The following CLVS1 variants were observed in gnomAD, a reference collection of about 807,000 sequenced individuals.
The protein encoded by CLVS1 is clavesin-1.
Under a neutral mutation model 33.1 loss-of-function variants are expected in CLVS1, and 10 were observed. The ratio of observed to expected loss-of-function variants is 0.30; its 90% CI spans 0.19 to 0.51. CLVS1 has a LOEUF of 0.51. CLVS1 is among the 20% of genes least tolerant of loss of function. The pLI is 0.97. For synonymous variants in CLVS1, 163 were observed against 166.1 expected, an observed-to-expected ratio of 0.98 and a Z score of 0.14; for missense variants, 343 against 433.4, an observed-to-expected ratio of 0.79 and a Z score of 1.85.
chr8:61,339,833 AAAGG>A (rs1000300104), intron 2 of CLVS1, among the ~76,000 whole-genome samples: 6 of 150,206 alleles, frequency 4.0e-5, no homozygotes, highest in South Asian at 2.1e-4. Flanking sequence ...AAAGAGCGAG[AAAGG>A]AAGGAAGGAA....
chr8:61,207,740 T>C (rs567715972), intron 2 of CLVS1, among the ~76,000 whole-genome samples: 26 of 152,132 alleles, frequency 1.7e-4, no homozygotes, highest in Non-Finnish European at 3.2e-4. Context: ...TATAATGTAG[T>C]TGGTTGGTAA....
intron 3 of CLVS1, among the ~76,000 whole-genome samples, chr8:61,393,335 C>T (rs1341560590): frequency 2.0e-5 from 3 of 151,858 alleles, no homozygotes; most frequent in East Asian, 1.9e-4. Context: ...CTCTTTAAGT[C>T]GGTTTTCACC....
chr8:61,147,008 C>A (rs1318027904), intron 2 of CLVS1, among the ~76,000 whole-genome samples: 1 of 152,206 alleles, frequency 6.6e-6, no homozygotes, highest in African/African-American at 2.4e-5. Context: ...AGTGAGGTGA[C>A]TCTCCTGGGG....
At chr8:61,323,543 C>T (rs1334599753) in intron 2 of CLVS1, among the ~76,000 whole-genome samples, 1 of 152,168 alleles carries the variant, frequency 6.6e-6, no homozygotes, top group Non-Finnish European at 1.5e-5. Context: ...TCACATTCCA[C>T]CAAAAGTCTC....
At chr8:60,983,270 C>T in the CLVS1 span, among the ~76,000 whole-genome samples, 1 of 152,230 alleles carries the variant, frequency 6.6e-6, no homozygotes, top group Non-Finnish European at 1.5e-5. Flanking sequence ...TTACCAACTG[C>T]GATTTCAGAG....
intron 2 of CLVS1, among the ~76,000 whole-genome samples, chr8:61,250,875 T>C (rs1413586462): frequency 6.6e-6 from 1 of 152,112 alleles, no homozygotes; most frequent in Non-Finnish European, 1.5e-5. Flanking sequence ...AGACAATTTG[T>C]CTTCCTCTCT....
In CLVS1 at chr8:61,454,145, G is replaced by C; in HGVS notation, c.635G>C (p.Ser212Thr). Residue 212 changes from serine (S) to threonine (T), a missense_variant, in exon 4 of 6, where the codon AGC (serine) becomes ACC (threonine). Ser to Thr is a moderately conservative substitution (Grantham distance 58). Coordinates refer to ENST00000325897, the MANE Select transcript of CLVS1 (RefSeq NM_173519.3). ...ATTTCTCTCTTTCTGCCCCAGGACA[G>C]CTTTCCTGCCCGCTTTGGAGGAGTC... ...LKLAIEGLQD[S>T]FPARFGGVHF... The C allele has an allele frequency of 6.2e-7, 1 of 1,613,150 alleles. No individual in the cohort carries two copies. Among genetic ancestry groups the C allele is most frequent in the Non-Finnish European group, 8.5e-7 (1 of 1,179,142 alleles).
chr8:61,051,059 TAAAC>T, the CLVS1 span, among the ~76,000 whole-genome samples: 3 of 152,034 alleles, frequency 2.0e-5, no homozygotes, highest in African/African-American at 7.2e-5. Context: ...AGGGGTGAAA[TAAAC>T]AGGCTCCTCT....
chr8:61,127,227 T>A (rs1805992830), intron 1 of CLVS1, among the ~76,000 whole-genome samples: 2 of 152,072 alleles, frequency 1.3e-5, no homozygotes, highest in African/African-American at 2.4e-5. Flanking sequence ...TTTTTTTTTT[T>A]TTTTGAGATG....
chr8:61,371,230 C>T (rs1813426785), intron 2 of CLVS1, among the ~76,000 whole-genome samples: 1 of 152,134 alleles, frequency 6.6e-6, no homozygotes, highest in South Asian at 2.1e-4. Context: ...ATTTGTCTTT[C>T]CCTGATAATT....
chr8:61,024,624 C>T, the CLVS1 span, among the ~76,000 whole-genome samples: 2 of 152,148 alleles, frequency 1.3e-5, no homozygotes, highest in African/African-American at 4.8e-5. Flanking sequence ...TCTCTCCCCC[C>T]AGTCAAGTGT....
chr8:61,397,420 T>A (rs1008231757), intron 3 of CLVS1, among the ~76,000 whole-genome samples: 2 of 152,190 alleles, frequency 1.3e-5, no homozygotes, highest in African/African-American at 4.8e-5. Flanking sequence ...AAGAGAAACA[T>A]GTCTGCATAT....
At chr8:61,074,348 A>ATGTG (rs199834190) in intron 1 of CLVS1, among the ~76,000 whole-genome samples, 8 of 123,096 alleles carry the variant, frequency 6.5e-5, no homozygotes, top group Non-Finnish European at 1.1e-4. Context: ...AAATTTAAAT[A>ATGTG]TGTGTGTGTG....
intron 2 of CLVS1, among the ~76,000 whole-genome samples, chr8:61,184,901 A>T (rs759243605): frequency 6.6e-6 from 1 of 152,238 alleles, no homozygotes; most frequent in African/African-American, 2.4e-5. Context: ...GATAAAATTA[A>T]TATGCATTCA....
At chr8:61,247,201 T>A (rs1191617123) in intron 2 of CLVS1, among the ~76,000 whole-genome samples, 1 of 152,236 alleles carries the variant, frequency 6.6e-6, no homozygotes, top group Non-Finnish European at 1.5e-5. Flanking sequence ...CTGTCATTGA[T>A]GAGCATTTAG....
chr8:60,981,213 T>C, the CLVS1 span, among the ~76,000 whole-genome samples: 12 of 152,230 alleles, frequency 7.9e-5, no homozygotes, highest in Admixed American at 4.6e-4. Context: ...GTTAGAGCCA[T>C]CTGGCAAAGC....
At chr8:60,970,947 C>T in the CLVS1 span, among the ~76,000 whole-genome samples, 1 of 151,476 alleles carries the variant, frequency 6.6e-6, no homozygotes, top group East Asian at 1.9e-4. Flanking sequence ...TCCTTTGCTC[C>T]TCTTTCTAAA....
At chr8:61,474,175 T>G (rs927446011) in intron 5 of CLVS1, among the ~76,000 whole-genome samples, 1 of 152,062 alleles carries the variant, frequency 6.6e-6, no homozygotes, top group Non-Finnish European at 1.5e-5. Flanking sequence ...TGGAGAATGG[T>G]AGGAGGTAAA....
intron 3 of CLVS1, among the ~76,000 whole-genome samples, chr8:61,430,756 T>C (rs73685014): frequency 0.016 from 2,371 of 152,206 alleles, 78 homozygotes; most frequent in African/African-American, 0.054. Context: ...CAGACAAATA[T>C]GGGCGCCATT....
Sources: allele counts gnomAD v4.1 joint callset (sites outside exome capture counted in the v4.1 genomes callset), GRCh38; gene constraint gnomAD v4.1.1; transcripts MANE v1.5; gene names NCBI Gene and HGNC (gene_info 2026-07-23, HGNC 2026-07-21).